OPRM1: variants seen among roughly 807,000 people sequenced by gnomAD.
OPRM1 encodes the protein mu-type opioid receptor.
In OPRM1, 27 loss-of-function variants were observed where a neutral mutation model predicts 31.8. The ratio of observed to expected loss-of-function variants is 0.85; its 90% CI spans 0.63 to 1.17. The LOEUF (loss-of-function observed/expected upper bound fraction) is 1.17. OPRM1 is among the 50% of genes most tolerant of loss of function. OPRM1 has a pLI of 0.00. For synonymous variants in OPRM1, 196 were observed against 189.9 expected (o/e 1.03, Z -0.26); for missense variants, 536 against 511.1 (o/e 1.05, Z -0.47).
chr6:154,065,131 T>A (rs1785123311), intron 1 of OPRM1, among the ~76,000 whole-genome samples: 2 of 151,764 alleles, frequency 1.3e-5, no homozygotes. Context: ...TGCCTTTCCA[T>A]TTATTTATGT....
At chr6:154,039,914 A>T in intron 1 of OPRM1, 80 bp downstream of exon 1, 1 of 1,322,406 alleles carries the variant, frequency 7.6e-7, no homozygotes, top group Admixed American at 2.4e-5. Flanking sequence ...CCCAAGGCTC[A>T]ATGTTGGGCG....
intron 3 of OPRM1, among the ~76,000 whole-genome samples, chr6:154,098,876 C>T (rs1793857218): frequency 6.6e-6 from 1 of 152,048 alleles, no homozygotes; most frequent in Non-Finnish European, 1.5e-5. Flanking sequence ...AATCAAGAAT[C>T]CAAAGCCACA....
At chr6:154,167,925 A>C in intron 3 of OPRM1, 1 of 1,587,174 alleles carries the variant, frequency 6.3e-7, no homozygotes, top group Non-Finnish European at 8.6e-7. Context: ...GTTACCTTTA[A>C]TGTGCTATTC....
chr6:154,030,606 T>C lies in OPRM1; in HGVS notation c.1-8555T>C, dbSNP rs190906250. Among the ~76,000 whole-genome samples, 449 of 151,924 alleles carry C rather than the reference T, an allele frequency of 3.0e-3. 2 individuals are homozygous for C. The highest frequency in any genetic ancestry group is 4.9e-3 in the Non-Finnish European group (335 of 68,012). ...ACTTTCCCAGTAGCAAATTAATTTT[T>C]AGTACAAAAAAAATTTTTTTGTATT... On this transcript the variant is annotated intron_variant, in intron 1 of 5. Coordinates refer to the OPRM1 transcript ENST00000434900.
At chr6:154,156,646 T>C (rs1798727383) in intron 3 of OPRM1, 1 of 152,250 alleles carries the variant, frequency 6.6e-6, no homozygotes, top group African/African-American at 2.4e-5. Flanking sequence ...ATCTCTTTCT[T>C]ACGCTTCCTG....
intron 3 of OPRM1, among the ~76,000 whole-genome samples, chr6:154,214,497 T>C (rs1778227441): frequency 6.6e-6 from 1 of 152,216 alleles, no homozygotes; most frequent in Non-Finnish European, 1.5e-5. Flanking sequence ...AGGTGGCCCA[T>C]TACTCAGTTG....
At position 154,119,407 on chromosome 6, in the gene OPRM1, A is replaced by G. The variant is rs1797184026; in HGVS notation, c.*686A>G. The G allele has an allele frequency of 1.0e-6, 1 of 985,414 alleles. No individual in the cohort carries two copies. Among genetic ancestry groups the G allele is most frequent in the East Asian group, 1.1e-4 (1 of 8,814 alleles). The allele number at this position is 985,414 out of a possible 1,614,324, so 61.0% of individuals were successfully genotyped here. On this transcript the variant is annotated 3_prime_UTR_variant, in exon 4 of 4. Transcript: ENST00000330432. ...ATTCTCATGCACTGCAAATACTTCC[A>G]AAGAGTCATCATGGGGGATTTTTCA...
At position 154,119,393 on chromosome 6, in the gene OPRM1, C is replaced by G; in HGVS notation, c.*672C>G. 1.0e-6 allele frequency: 1 copy of G among 985,290 alleles called. No individual in the cohort carries two copies. Among genetic ancestry groups the G allele is most frequent in the Non-Finnish European group, 1.2e-6 (1 of 829,828 alleles). 61.0% of individuals were successfully genotyped at this position (985,290 alleles called of 1,614,324 possible). A position where few individuals can be genotyped will look rare whatever the true frequency, so the allele number is the denominator to read the frequency against. On this transcript the variant is annotated 3_prime_UTR_variant, in exon 4 of 4. Coordinates refer to ENST00000330432, the MANE Select transcript of OPRM1 (RefSeq NM_000914.5). ...CTGTAGAAAGGTTGATTCTCATGCA[C>G]TGCAAATACTTCCAAAGAGTCATCA...
chr6:154,085,830 T>C (rs1432997687), intron 1 of OPRM1, among the ~76,000 whole-genome samples: 1 of 151,684 alleles, frequency 6.6e-6, no homozygotes, highest in Non-Finnish European at 1.5e-5. Flanking sequence ...TGAGCATTCA[T>C]TGAACTTTGC....
chr6:154,055,948 G>C (rs961262083), intron 1 of OPRM1, among the ~76,000 whole-genome samples: 1 of 152,100 alleles, frequency 6.6e-6, no homozygotes, highest in African/African-American at 2.4e-5. Flanking sequence ...CTGTTCATTT[G>C]AATAAGAAGA....
At chr6:154,159,330 G>A (rs1485518662) in intron 3 of OPRM1, 1 of 161,392 alleles carries the variant, frequency 6.2e-6, no homozygotes, top group African/African-American at 2.4e-5. Context: ...AGGAATTTTT[G>A]TTCTGCAACA....
At chr6:154,233,967 G>C (rs1035936499) in intron 3 of OPRM1, among the ~76,000 whole-genome samples, 1 of 152,200 alleles carries the variant, frequency 6.6e-6, no homozygotes, top group African/African-American at 2.4e-5. Flanking sequence ...TCGGCACTTT[G>C]AGAGGCCAAA....
At chr6:154,188,164 T>G (rs1320919330) in intron 3 of OPRM1, among the ~76,000 whole-genome samples, 2 of 152,230 alleles carry the variant, frequency 1.3e-5, no homozygotes, top group Non-Finnish European at 2.9e-5. Flanking sequence ...AAAGTTTGAT[T>G]CTTAAAAATG....
At chr6:154,231,838 A>G (rs1039860971) in intron 3 of OPRM1, among the ~76,000 whole-genome samples, 1 of 152,246 alleles carries the variant, frequency 6.6e-6, no homozygotes, top group African/African-American at 2.4e-5. Flanking sequence ...TTTTAAATCA[A>G]AAACAAACAC....
chr6:154,180,411 TATA>T (rs1345421949), intron 3 of OPRM1, among the ~76,000 whole-genome samples: 3,994 of 38,394 alleles, frequency 0.1, 184 homozygotes, highest in African/African-American at 0.26. Context: ...TATATATATA[TATA>T]TTTTTTTTTT....
At chr6:154,116,500 G>A (rs1377986265) in intron 3 of OPRM1, among the ~76,000 whole-genome samples, 1 of 151,420 alleles carries the variant, frequency 6.6e-6, no homozygotes, top group Non-Finnish European at 1.5e-5. Context: ...CATAAGAATT[G>A]CTTGAATCTG....
At chr6:154,147,586 T>C (rs1330113573) in intron 3 of OPRM1, among the ~76,000 whole-genome samples, 1 of 152,224 alleles carries the variant, frequency 6.6e-6, no homozygotes, top group Non-Finnish European at 1.5e-5. Context: ...GACACCCTAA[T>C]AGATCATGTG....
At chr6:154,178,091 A>C (rs1353533572) in intron 3 of OPRM1, among the ~76,000 whole-genome samples, 2 of 143,378 alleles carry the variant, frequency 1.4e-5, no homozygotes, top group Non-Finnish European at 3.0e-5. Flanking sequence ...TTGAACAATG[A>C]GGACACATGG....
At chr6:154,237,449 A>G (rs1021319387) in intron 3 of OPRM1, among the ~76,000 whole-genome samples, 4 of 152,246 alleles carry the variant, frequency 2.6e-5, no homozygotes, top group Non-Finnish European at 5.9e-5. Context: ...CATTCCTGGT[A>G]TCTGAAAATT....
Sources: allele counts gnomAD v4.1 joint callset (sites outside exome capture counted in the v4.1 genomes callset), GRCh38; gene constraint gnomAD v4.1.1; transcripts MANE v1.5; gene names NCBI Gene and HGNC (gene_info 2026-07-23, HGNC 2026-07-21).